EPAS1: variants seen among roughly 807,000 people sequenced by gnomAD.
EPAS1 encodes the protein endothelial PAS domain protein 1, also known as endothelial PAS domain-containing protein 1.
Under a neutral mutation model 87.9 loss-of-function variants are expected in EPAS1, and 23 were observed. That is an observed-to-expected ratio of 0.26 (90% CI 0.19 to 0.37). EPAS1 has a LOEUF of 0.37. EPAS1 is among the 10% of genes least tolerant of loss of function. The pLI, the probability that EPAS1 is intolerant of heterozygous loss-of-function variation, is 1.00. For synonymous variants in EPAS1, 508 were observed against 444.3 expected, an observed-to-expected ratio of 1.14 and a Z score of -1.80; for missense variants, 1,138 against 1,120.7, an observed-to-expected ratio of 1.02 and a Z score of -0.22.
At chr2:46,382,625 C>T in intron 15 of EPAS1, 27 bp downstream of exon 15, 3 of 1,613,702 alleles carry the variant, frequency 1.9e-6, no homozygotes, top group Admixed American at 3.3e-5. Flanking sequence ...TCTGTCACCC[C>T]CATCCCAGGA....
chr2:46,383,057 A>C (rs1036441437), intron 15 of EPAS1, among the ~76,000 whole-genome samples: 7 of 152,150 alleles, frequency 4.6e-5, no homozygotes, highest in African/African-American at 1.4e-4. Context: ...GAGGCAGGGG[A>C]TCTCCCGTCT....
intron 1 of EPAS1, among the ~76,000 whole-genome samples, chr2:46,324,192 G>C (rs892842206): frequency 2.6e-5 from 4 of 152,106 alleles, no homozygotes; most frequent in Non-Finnish European, 5.9e-5. Context: ...TCACCCTCCT[G>C]AGTAGCTGGG....
At chr2:46,383,541 A>T (rs7590087) in intron 15 of EPAS1, among the ~76,000 whole-genome samples, 1 of 152,004 alleles carries the variant, frequency 6.6e-6, no homozygotes. Context: ...GGCTGTAGAA[A>T]CACCAGACAG....
chr2:46,359,008 C>G (rs1264030129), intron 4 of EPAS1, among the ~76,000 whole-genome samples: 1 of 152,020 alleles, frequency 6.6e-6, no homozygotes, highest in African/African-American at 2.4e-5. Flanking sequence ...CGCCTGTAAT[C>G]CCAGGACTTT....
chr2:46,303,279 G>A (rs1683047252), intron 1 of EPAS1, among the ~76,000 whole-genome samples: 1 of 152,090 alleles, frequency 6.6e-6, no homozygotes, highest in Non-Finnish European at 1.5e-5. Flanking sequence ...AGTGTCCCCG[G>A]AACCACACAG....
intron 1 of EPAS1, among the ~76,000 whole-genome samples, chr2:46,322,093 G>A (rs571370648): frequency 5.9e-5 from 9 of 152,114 alleles, no homozygotes; most frequent in South Asian, 4.2e-4. Context: ...CATCTACTAC[G>A]GAATCCTGGG....
At chr2:46,355,172 T>G (rs372308893) in intron 2 of EPAS1, among the ~76,000 whole-genome samples, 1 of 152,188 alleles carries the variant, frequency 6.6e-6, no homozygotes, top group African/African-American at 2.4e-5. Context: ...TCTGAGCAAT[T>G]TGAGGGTAGT....
rs756706011 is a variant in EPAS1 at position 46,380,452 on chromosome 2, A to G, written c.1780A>G (p.Ser594Gly). ...GGACAAGTTTCAGCAGCAGCTGGAG[A>G]GCAAGAAGACAGAGCCCGAGCACCG... ...LLDKFQQQLESKKTEPEHRPM... is the reference protein window; with the variant it reads ...LLDKFQQQLEGKKTEPEHRPM... Residue 594 changes from serine (S) to glycine (G), a missense_variant, in exon 12 of 16, where the codon AGC becomes GGC. This residue lies in a region of EPAS1 where 502 missense variants were observed against 427.1 expected (regional missense o/e 1.18). Transcript: ENST00000263734. This position sits in a 1 kb window ranked among gnomAD's most constrained non-coding sequence, Gnocchi z 4.4. 3.1e-6 allele frequency: 5 copies of G among 1,613,962 alleles called. No homozygotes were observed. The highest frequency in any genetic ancestry group is 2.2e-5 in the South Asian group (2 of 91,078).
rs1298238605 is a variant in EPAS1, at chr2:46,386,418, C to T, written c.*1758C>T. On this transcript the variant is annotated 3_prime_UTR_variant, in exon 16 of 16. Transcript: ENST00000263734. Reference sequence around the variant, plus strand: ...ATTTTAGCTGCACGGCATTACCCCACACAGGGTGGCAGAACTTGAAGGGTT... The same window carrying T: ...ATTTTAGCTGCACGGCATTACCCCATACAGGGTGGCAGAACTTGAAGGGTT... 1.3e-5 allele frequency: 2 copies of T among 152,662 alleles called. No homozygotes were observed. The highest frequency in any genetic ancestry group is 6.5e-5 in the Admixed American group (1 of 15,288). The allele number at this position is 152,662 out of a possible 1,614,324, so 9.5% of individuals were successfully genotyped here.
rs1316644473 is a variant in EPAS1 at position 46,371,494 on chromosome 2, C to CACAA, written c.886+1566_886+1569dup. On this transcript the variant is annotated intron_variant, in intron 7 of 15. Transcript: ENST00000263734. This position sits in a 1 kb window ranked among gnomAD's most constrained non-coding sequence, Gnocchi z 4.3. ...ACACGCGCACACACAGACACACACA[C>CACAA]ACAAACAACCTAGATTCAGCCCCAC... Among the ~76,000 whole-genome samples the CACAA allele has an allele frequency of 1.3e-5, 2 of 152,136 alleles. No individual in the cohort carries two copies. Among genetic ancestry groups the CACAA allele is most frequent in the Non-Finnish European group, 2.9e-5 (2 of 68,034 alleles).
chr2:46,299,922 T>C (rs896071043), intron 1 of EPAS1, among the ~76,000 whole-genome samples: 8 of 152,242 alleles, frequency 5.3e-5, no homozygotes, highest in African/African-American at 1.9e-4. Flanking sequence ...CTGTGGGGAC[T>C]GCCTGCGAAA....
intron 1 of EPAS1, among the ~76,000 whole-genome samples, chr2:46,307,481 G>C (rs531631705): frequency 1.3e-5 from 2 of 152,096 alleles, no homozygotes; most frequent in African/African-American, 2.4e-5. Context: ...TTCTGTACCC[G>C]GGACTTAGGG....
rs556400512 is a variant in EPAS1, at chr2:46,373,169, C to G, written c.887-2521C>G. 5.3e-5 allele frequency among the ~76,000 whole-genome samples: 8 copies of G among 152,260 alleles called. No individual in the cohort carries two copies. The South Asian group carries it at 1.2e-3, about 24-fold the overall frequency. ...AAGAAAATACTTATCCTCCCTGTGG[C>G]ACAGGGTTTTGTTTAAAAGATTAGA... On this transcript the variant is annotated intron_variant, in intron 7 of 15. Coordinates refer to ENST00000263734, the MANE Select transcript of EPAS1 (RefSeq NM_001430.5).
chr2:46,318,783 A>G (rs893000407), intron 1 of EPAS1, among the ~76,000 whole-genome samples: 1 of 152,272 alleles, frequency 6.6e-6, no homozygotes, highest in Non-Finnish European at 1.5e-5. Context: ...AGTTATTAAT[A>G]GTATTAATTG....
rs1028727219 is a variant in EPAS1 at position 46,297,555 on chromosome 2, G to C, written c.-357G>C. On this transcript the variant is annotated 5_prime_UTR_variant, in exon 1 of 16. Coordinates refer to ENST00000263734, the MANE Select transcript of EPAS1 (RefSeq NM_001430.5). ...CGACTCCTTCCGACTCCCAGCATTCGAGCCACTTTTTTTTTTCTTTGAAAA... is the reference window on the plus strand; with the variant it reads ...CGACTCCTTCCGACTCCCAGCATTCCAGCCACTTTTTTTTTTCTTTGAAAA... 4.3e-5 allele frequency: 14 copies of C among 322,392 alleles called. No individual in the cohort carries two copies. Among genetic ancestry groups the C allele is most frequent in the African/African-American group, 3.1e-4 (13 of 41,686 alleles). The allele number at this position is 322,392 out of a possible 1,614,324, so 20.0% of individuals were successfully genotyped here. A position where few individuals can be genotyped will look rare whatever the true frequency, so the allele number is the denominator to read the frequency against.
intron 15 of EPAS1, among the ~76,000 whole-genome samples, chr2:46,383,928 T>A (rs1015292199): frequency 1.3e-5 from 2 of 152,166 alleles, no homozygotes; most frequent in African/African-American, 4.8e-5. Flanking sequence ...AGGGGCAGAA[T>A]GCAGGGCTTC....
chr2:46,351,150 A>G (rs1177236643), intron 2 of EPAS1, among the ~76,000 whole-genome samples: 1 of 152,178 alleles, frequency 6.6e-6, no homozygotes, highest in Non-Finnish European at 1.5e-5. Flanking sequence ...AAAGAACTCA[A>G]TAAGCTGATT....
chr2:46,331,164 G>T (rs942219306), intron 1 of EPAS1, among the ~76,000 whole-genome samples: 4 of 152,234 alleles, frequency 2.6e-5, no homozygotes, highest in Non-Finnish European at 4.4e-5. Flanking sequence ...TAGAGTAAGT[G>T]TCCAAGTCCT....
At chr2:46,298,209 G>A (rs762911619) in intron 1 of EPAS1, among the ~76,000 whole-genome samples, 4 of 152,214 alleles carry the variant, frequency 2.6e-5, no homozygotes, top group African/African-American at 7.2e-5. Flanking sequence ...GGAGGTCGGA[G>A]GTGCTTCCGC....
Sources: allele counts gnomAD v4.1 joint callset (sites outside exome capture counted in the v4.1 genomes callset), GRCh38; gene constraint gnomAD v4.1.1; regional missense constraint gnomAD v4.1.1; non-coding constraint Gnocchi (gnomAD v3.1); transcripts MANE v1.5; gene names NCBI Gene and HGNC (gene_info 2026-07-23, HGNC 2026-07-21).